Variants in LARGE1 observed in about 807,000 individuals in gnomAD.
LARGE1 encodes xylosyl- and glucuronyltransferase LARGE1.
In LARGE1, 43 loss-of-function variants were observed where a neutral mutation model predicts 87.6. The observed-to-expected ratio is 0.49, with a 90% CI of 0.38 to 0.63. LARGE1 has a LOEUF of 0.63. Ranked by LOEUF, LARGE1 falls within the 30% of genes least tolerant of loss-of-function variation. The pLI, the probability that LARGE1 is intolerant of heterozygous loss-of-function variation, is 0.00. For synonymous variants in LARGE1, 434 were observed against 394.6 expected (o/e 1.10, Z -1.18); for missense variants, 802 against 1,000.2 (o/e 0.80, Z 2.67).
chr22:33,176,205 A>T (rs567096091), intron 11 of LARGE1, among the ~76,000 whole-genome samples: 1 of 152,352 alleles, frequency 6.6e-6, no homozygotes, highest in East Asian at 1.9e-4. Flanking sequence ...AAAACCCTAG[A>T]TGAAAACCTA....
At position 33,903,252 on chromosome 22, in the gene LARGE1, T is replaced by C. The variant is rs377257972; in HGVS notation, c.-83+16743A>G. Among the ~76,000 whole-genome samples the C allele has an allele frequency of 6.1e-4, 93 of 152,234 alleles. 3 individuals carry two copies. The South Asian group carries it at 7.9e-3, about 13-fold the overall frequency. On this transcript the variant is annotated intron_variant, in intron 1 of 14. Transcript: ENST00000397394. ...ACAGACACACGCAGAGGGGAGACCATATGAAAACAGCAGGAAAAGACAGCC... is the reference window on the plus strand; with the variant it reads ...ACAGACACACGCAGAGGGGAGACCACATGAAAACAGCAGGAAAAGACAGCC...
intron 6 of LARGE1, among the ~76,000 whole-genome samples, chr22:33,435,514 T>A (rs2067236357): frequency 1.3e-5 from 2 of 152,190 alleles, no homozygotes; most frequent in African/African-American, 4.8e-5. Flanking sequence ...TGATCGGGTG[T>A]GTGTTAGTGT....
In LARGE1 at chr22:33,761,546, C is replaced by G. The variant is rs1056153911; in HGVS notation, c.-70G>C. 2.6e-6 allele frequency: 3 copies of G among 1,160,714 alleles called. No homozygotes were observed. The African/African-American group carries it at 4.5e-5, about 17-fold the overall frequency. The allele number at this position is 1,160,714 out of a possible 1,614,324, so 71.9% of individuals were successfully genotyped here. ...CCGGAGCATGAAGTCCTCGGCCTCC[C>G]TCATAATACTCTCTGAAAGGAAGAG... On this transcript the variant is annotated 5_prime_UTR_variant, in exon 2 of 15. Transcript: ENST00000397394.
At chr22:33,769,725 C>CA (rs2085008061) in intron 1 of LARGE1, among the ~76,000 whole-genome samples, 1 of 152,156 alleles carries the variant, frequency 6.6e-6, no homozygotes, top group East Asian at 1.9e-4. Flanking sequence ...TGGAGCTGTC[C>CA]CCTAAATCAC....
the LARGE1 span, among the ~76,000 whole-genome samples, chr22:33,132,601 T>C: frequency 6.6e-6 from 1 of 151,562 alleles, no homozygotes; most frequent in African/African-American, 2.4e-5. Context: ...TTTTGATTTA[T>C]CAGCCTAATA....
At chr22:33,690,705 C>T (rs1603163538) in intron 2 of LARGE1, among the ~76,000 whole-genome samples, 1 of 149,832 alleles carries the variant, frequency 6.7e-6, no homozygotes, top group Non-Finnish European at 1.5e-5. Context: ...AGAGAAATCC[C>T]GAGGCCCACT....
intron 1 of LARGE1, among the ~76,000 whole-genome samples, chr22:33,785,403 G>T (rs1045924028): frequency 6.6e-6 from 1 of 151,928 alleles, no homozygotes; most frequent in Non-Finnish European, 1.5e-5. Flanking sequence ...ATGAGTAACG[G>T]GTGAACAGTA....
At chr22:33,203,980 G>A (rs757467016) in intron 11 of LARGE1, among the ~76,000 whole-genome samples, 1 of 152,132 alleles carries the variant, frequency 6.6e-6, no homozygotes, top group African/African-American at 2.4e-5. Context: ...GACTGAACTT[G>A]TCTTATTGTT....
chr22:33,390,013 C>CA (rs2065460184), intron 7 of LARGE1, among the ~76,000 whole-genome samples: 1 of 152,196 alleles, frequency 6.6e-6, no homozygotes, highest in African/African-American at 2.4e-5. Context: ...TGTGGCCAGA[C>CA]CATCTGGTTC....
chr22:33,304,080 C>A, intron 12 of LARGE1, 149 bp downstream of exon 12: 3 of 827,158 alleles, frequency 3.6e-6, no homozygotes, highest in Admixed American at 4.6e-5. Context: ...TGGCTGTGGG[C>A]AGGTCCCTTC....
chr22:33,182,638 A>G (rs1235393584), intron 11 of LARGE1, among the ~76,000 whole-genome samples: 1 of 152,212 alleles, frequency 6.6e-6, no homozygotes, highest in African/African-American at 2.4e-5. Flanking sequence ...ATTGATCAAT[A>G]AAACAGAAGA....
At chr22:33,524,392 T>A (rs1226800549) in intron 6 of LARGE1, among the ~76,000 whole-genome samples, 1 of 152,144 alleles carries the variant, frequency 6.6e-6, no homozygotes, top group Non-Finnish European at 1.5e-5. Context: ...ACCTTTCTAA[T>A]CTATTTTCTA....
At chr22:33,100,382 A>G in the LARGE1 span, among the ~76,000 whole-genome samples, 1 of 150,934 alleles carries the variant, frequency 6.6e-6, no homozygotes, top group Admixed American at 6.6e-5. Context: ...GTAAAAAATT[A>G]AATAAATAAA....
At chr22:33,637,746 G>T (rs2080310923) in intron 3 of LARGE1, among the ~76,000 whole-genome samples, 1 of 152,164 alleles carries the variant, frequency 6.6e-6, no homozygotes, top group Admixed American at 6.5e-5. Context: ...ACCTTCAGAT[G>T]ACTGCAACCC....
chr22:33,112,232 T>C, the LARGE1 span, among the ~76,000 whole-genome samples: 2 of 152,242 alleles, frequency 1.3e-5, no homozygotes, highest in South Asian at 2.1e-4. Flanking sequence ...AAGACAAAAG[T>C]GGGATCGAGA....
Position 33,275,415 on chromosome 22 carries a change from G to A in LARGE1, c.2074-791C>T, listed in dbSNP as rs1929043519. Among the ~76,000 whole-genome samples the A allele has an allele frequency of 2.0e-5, 3 of 152,190 alleles. 1 individual carries two copies. The South Asian group carries it at 6.2e-4, about 32-fold the overall frequency. On this transcript the variant is annotated intron_variant, in intron 14 of 14. Coordinates refer to ENST00000397394, the MANE Select transcript of LARGE1 (RefSeq NM_133642.5). Reference sequence around the variant, plus strand: ...TTATCTAGTTTCCCAGCTCAGAGCAGATAAGAATAAACTCAGGGATAACTG... The same window carrying A: ...TTATCTAGTTTCCCAGCTCAGAGCAAATAAGAATAAACTCAGGGATAACTG...
At position 33,650,432 on chromosome 22, in the gene LARGE1, G is replaced by C. The variant is rs779336716; in HGVS notation, c.343C>G (p.Arg115Gly). 3.7e-6 allele frequency: 6 copies of C among 1,614,026 alleles called. No individual in the cohort carries two copies. In the East Asian group the frequency reaches 1.3e-4, roughly 36 times the overall value. ...CTGTTGCCTGCCACGATGCCAGCCC[G>C]AAGGTTCTCGCTGTCTCCAGTGCCC... ...EEGTGDSENLRAGIVAGNSSE... is the reference protein window; with the variant it reads ...EEGTGDSENLGAGIVAGNSSE... The change falls in exon 3 of 15, where the codon CGG becomes GGG. Residue 115 changes from arginine to glycine, a missense_variant. This residue lies in a region of LARGE1 where 177 missense variants were observed against 158.3 expected (regional missense o/e 1.12). Transcript: ENST00000397394.
chr22:33,559,608 C>A (rs2077794670), intron 6 of LARGE1, among the ~76,000 whole-genome samples: 1 of 152,340 alleles, frequency 6.6e-6, no homozygotes, highest in Admixed American at 6.5e-5. Context: ...AGGCTCTACT[C>A]TTAACGCCAT....
intron 13 of LARGE1, among the ~76,000 whole-genome samples, chr22:33,278,529 G>C (rs1375956085): frequency 6.6e-6 from 1 of 150,862 alleles, no homozygotes; most frequent in Non-Finnish European, 1.5e-5. Context: ...ACTGTGTACT[G>C]GGACTATTTT....
Sources: gnomAD v4.1 joint callset for allele counts (sites outside exome capture counted in the v4.1 genomes callset) on GRCh38, gnomAD v4.1.1 for gene constraint, gnomAD v4.1.1 regional missense constraint, MANE v1.5 for transcripts, NCBI Gene and HGNC (gene_info 2026-07-23, HGNC 2026-07-21) for gene names.